Variants in VWA3B observed in about 807,000 individuals in gnomAD.
VWA3B encodes von Willebrand factor A domain-containing protein 3B.
In VWA3B, 138 loss-of-function variants were observed where a neutral mutation model predicts 158.3. The observed-to-expected ratio is 0.87, with a 90% CI of 0.76 to 1.00. VWA3B has a LOEUF of 1.00. Ranked by LOEUF, VWA3B falls within the 50% of genes least tolerant of loss-of-function variation. The pLI is 0.00. For synonymous variants in VWA3B, 596 were observed against 587.3 expected, an observed-to-expected ratio of 1.01 and a Z score of -0.21; for missense variants, 1,555 against 1,565.1, an observed-to-expected ratio of 0.99 and a Z score of 0.11.
In VWA3B at chr2:98,311,892, G is replaced by C. The variant is rs936025942; in HGVS notation, c.3595G>C (p.Glu1199Gln). 1.9e-6 allele frequency: 3 copies of C among 1,611,880 alleles called. No individual in the cohort carries two copies. Among genetic ancestry groups the C allele is most frequent in the East Asian group, 2.2e-5 (1 of 44,816 alleles). Residue 1199 changes from glutamate to glutamine, a missense_variant, in exon 27 of 28, where the codon GAG (glutamate) becomes CAG (glutamine). Transcript: ENST00000477737. ...AGAAGCGGACACGCAGGATTCCAGA[G>C]AGCCAAGACGAGAGAAGCCCAGGAG... ...LKEADTQDSR[E>Q]PRREKPRRKK...
At chr2:98,160,709 C>T (rs999275866) in intron 7 of VWA3B, among the ~76,000 whole-genome samples, 5 of 152,300 alleles carry the variant, frequency 3.3e-5, no homozygotes, top group African/African-American at 9.6e-5. Context: ...GATTTTACAG[C>T]GTTCAGAGGG....
chr2:98,089,650 C>T (rs1682130411), intron 1 of VWA3B, among the ~76,000 whole-genome samples: 2 of 141,014 alleles, frequency 1.4e-5, no homozygotes, highest in African/African-American at 2.6e-5. Flanking sequence ...CCTTTCCTTC[C>T]TTTTTTTTTT....
intron 8 of VWA3B, 34 bp downstream of exon 8, chr2:98,163,010 T>G (rs376241288): frequency 2.5e-6 from 4 of 1,609,920 alleles, no homozygotes; most frequent in East Asian, 4.5e-5. Context: ...GTGTAAAAGA[T>G]TCATAAATGT....
intron 8 of VWA3B, 90 bp from the exon 9 acceptor site, chr2:98,180,926 G>A: frequency 1.6e-6 from 2 of 1,279,264 alleles, no homozygotes; most frequent in East Asian, 4.9e-5. Context: ...GTCTAATAAA[G>A]AACACGTTCC....
At chr2:98,108,781 T>TA (rs1247023654) in intron 2 of VWA3B, among the ~76,000 whole-genome samples, 5 of 152,128 alleles carry the variant, frequency 3.3e-5, no homozygotes, top group African/African-American at 1.2e-4. Flanking sequence ...TGAGTCTTTT[T>TA]AAAAAAATCC....
intron 19 of VWA3B, among the ~76,000 whole-genome samples, chr2:98,238,989 T>C (rs1685887764): frequency 6.6e-6 from 1 of 152,156 alleles, no homozygotes; most frequent in African/African-American, 2.4e-5. Flanking sequence ...TGATAATCAA[T>C]TAGACACCAC....
intron 2 of VWA3B, among the ~76,000 whole-genome samples, chr2:98,105,158 A>G (rs1256439098): frequency 6.6e-6 from 1 of 152,238 alleles, no homozygotes; most frequent in Non-Finnish European, 1.5e-5. Flanking sequence ...GGCATTTCTT[A>G]CAGTGCAGGT....
At chr2:98,297,774 G>A in intron 23 of VWA3B, 133 bp from the exon 24 acceptor site, 1 of 1,178,882 alleles carries the variant, frequency 8.5e-7, no homozygotes, top group Non-Finnish European at 1.1e-6. Flanking sequence ...ATTATCTGCT[G>A]GAGAAATCAA....
chr2:98,217,932 A>T lies in VWA3B; in HGVS notation c.1923A>T (p.Ala641=). The change falls in exon 14 of 28, where the codon GCA becomes GCT. Residue 641 remains alanine, a synonymous_variant. Coordinates refer to ENST00000477737, the MANE Select transcript of VWA3B (RefSeq NM_144992.5). ...CCTTCAATTACAATGATGAGATTGCAAACAGGTTTTTGAAAGAGGTTGCTG... is the reference window on the plus strand; with the variant it reads ...CCTTCAATTACAATGATGAGATTGCTAACAGGTTTTTGAAAGAGGTTGCTG... ...TISFNYNDEI[A]NRFLKEVAAL... The T allele has an allele frequency of 9.9e-6, 16 of 1,613,670 alleles. No homozygotes were observed. Among genetic ancestry groups the T allele is most frequent in the Non-Finnish European group, 1.4e-5 (16 of 1,179,812 alleles).
In VWA3B at chr2:98,234,651, C is replaced by A; in HGVS notation, c.2312C>A (p.Ser771Ter). 6.2e-7 allele frequency: 1 copy of A among 1,614,192 alleles called. No individual in the cohort carries two copies. The highest frequency in any genetic ancestry group is 1.1e-5 in the South Asian group (1 of 91,064). Residue 771 changes from serine to a stop codon, truncating the protein, a stop_gained, in exon 17 of 28, where the codon TCA (serine) becomes TAA (stop). Transcript: ENST00000477737. LOFTEE classifies it high-confidence loss of function. ...CTTCCCTCTGTGATACCAACAGAAT[C>A]AACCAAAACCAGCCTGCTCAGAAGC... ...VQKKKVLHAE[S>*]TKTSLLRSQM...
rs76219219 is a variant in VWA3B, at chr2:98,304,925, C to T, written c.3521+1123C>T. ...TTCACTGCCGGTCTCCATGCGTCATCGGATAGACTCAACGTCCCCACTCTC... is the reference window on the plus strand; with the variant it reads ...TTCACTGCCGGTCTCCATGCGTCATTGGATAGACTCAACGTCCCCACTCTC... On this transcript the variant is annotated intron_variant, in intron 26 of 27. Transcript: ENST00000477737. 8.7e-3 allele frequency among the ~76,000 whole-genome samples: 1,322 copies of T among 152,190 alleles called. 19 individuals carry two copies. Among genetic ancestry groups the T allele is most frequent in the African/African-American group, 0.03 (1,243 of 41,510 alleles).
intron 22 of VWA3B, among the ~76,000 whole-genome samples, chr2:98,282,091 AGTCTTT>A (rs1422261952): frequency 1.3e-5 from 2 of 152,232 alleles, no homozygotes; most frequent in Non-Finnish European, 2.9e-5. Context: ...GGCACCCCGA[AGTCTTT>A]GGCAAAATTC....
intron 9 of VWA3B, among the ~76,000 whole-genome samples, chr2:98,182,229 G>T (rs146686746): frequency 3.3e-5 from 5 of 152,158 alleles, no homozygotes; most frequent in Admixed American, 1.3e-4. Flanking sequence ...TGAAGGCTCC[G>T]ATTCAAAGTC....
intron 25 of VWA3B, among the ~76,000 whole-genome samples, 180 bp downstream of exon 25, chr2:98,300,396 A>G (rs1690104421): frequency 6.6e-6 from 1 of 152,092 alleles, no homozygotes; most frequent in Non-Finnish European, 1.5e-5. Context: ...TGAGGTGGCC[A>G]TGGCCTCTGC....
chr2:98,310,461 T>C (rs1690817654), intron 26 of VWA3B, among the ~76,000 whole-genome samples: 1 of 152,164 alleles, frequency 6.6e-6, no homozygotes, highest in Admixed American at 6.5e-5. Context: ...ACTTCTCACA[T>C]CCGCTTCTTG....
chr2:98,208,213 G>A (rs189973828), intron 12 of VWA3B, among the ~76,000 whole-genome samples: 11 of 151,912 alleles, frequency 7.2e-5, no homozygotes, highest in East Asian at 1.9e-4. Flanking sequence ...TGCGTAATAC[G>A]TTTTTTCCAT....
intron 8 of VWA3B, among the ~76,000 whole-genome samples, chr2:98,175,498 G>C (rs541881317): frequency 6.6e-6 from 1 of 152,262 alleles, no homozygotes; most frequent in East Asian, 1.9e-4. Context: ...TGAATTTTTA[G>C]ATAGCTCAAT....
At chr2:98,177,557 T>C (rs1680111564) in intron 8 of VWA3B, among the ~76,000 whole-genome samples, 1 of 152,012 alleles carries the variant, frequency 6.6e-6, no homozygotes, top group Non-Finnish European at 1.5e-5. Context: ...GTTAAAAGAT[T>C]TCCCTCCTTT....
Position 98,312,051 on chromosome 2 carries a change from G to C in VWA3B, c.3735+19G>C. 6.3e-7 allele frequency: 1 copy of C among 1,591,812 alleles called. No individual in the cohort carries two copies. Among genetic ancestry groups the C allele is most frequent in the African/African-American group, 1.3e-5 (1 of 74,408 alleles). Reference sequence around the variant, plus strand: ...GCCCAGGGTTTGGGTGATGGGGGGGGAACACAACATCGCTTATCTCAGGAA... The same window carrying C: ...GCCCAGGGTTTGGGTGATGGGGGGGCAACACAACATCGCTTATCTCAGGAA... On this transcript the variant is annotated intron_variant, in intron 27 of 27. Coordinates refer to ENST00000477737, the MANE Select transcript of VWA3B (RefSeq NM_144992.5).
Sources: gnomAD v4.1 joint callset for allele counts (sites outside exome capture counted in the v4.1 genomes callset) on GRCh38, gnomAD v4.1.1 for gene constraint, MANE v1.5 for transcripts, NCBI Gene and HGNC (gene_info 2026-07-23, HGNC 2026-07-21) for gene names.